ZNF521: variants seen among roughly 807,000 people sequenced by gnomAD.
ZNF521 encodes the protein LYST-interacting protein 3.
ZNF521 carries 14 observed loss-of-function variants against 105.5 expected under a neutral mutation model. The observed-to-expected ratio is 0.13, with a 90% CI of 0.09 to 0.21. The LOEUF (loss-of-function observed/expected upper bound fraction) is 0.21. Among genes scored for constraint, ZNF521 ranks in the 10% least tolerant of loss-of-function variants. ZNF521 has a pLI of 1.00. For missense variants in ZNF521, 1,233 were observed against 1,629.7 expected (o/e 0.76, Z 4.19); for synonymous variants, 635 against 606.0 (o/e 1.05, Z -0.70).
intron 5 of ZNF521, among the ~76,000 whole-genome samples, chr18:25,142,625 C>A (rs139077661): frequency 6.6e-6 from 1 of 152,038 alleles, no homozygotes; most frequent in African/African-American, 2.4e-5. Context: ...AGCAATGGAA[C>A]CTTGAGAACC....
intron 5 of ZNF521, among the ~76,000 whole-genome samples, chr18:25,110,872 C>G (rs532088471): frequency 1.6e-4 from 25 of 152,096 alleles, no homozygotes; most frequent in African/African-American, 5.3e-4. Context: ...AAGTGATTCT[C>G]CTACCTCAGC....
rs766059403 is a variant in ZNF521 at position 25,226,190 on chromosome 18, T to C, written c.1728A>G (p.Lys576=). Residue 576 remains lysine (K), a synonymous_variant, in exon 4 of 8, where the codon AAA becomes AAG. Transcript: ENST00000361524. This position sits in a 1 kb window ranked among gnomAD's most constrained non-coding sequence, Gnocchi z 4.1. ...GATTCTCTTTGATATGCTTGTTCAG[T>C]TTAAGAACGCTGTTGAATATTGGCG... ...TNSPIFNSVL[K]LNKHIKENHK... 16 of 1,614,186 alleles carry C rather than the reference T, an allele frequency of 9.9e-6. 1 individual carries two copies. The South Asian group carries it at 1.3e-4, about 13-fold the overall frequency.
At position 25,212,234 on chromosome 18, in the gene ZNF521, G is replaced by A. The variant is rs1280910943; in HGVS notation, c.3573+12111C>T. On this transcript the variant is annotated intron_variant, in intron 4 of 7. Coordinates refer to ENST00000361524, the MANE Select transcript of ZNF521 (RefSeq NM_015461.3). ...ATATATAAAAAATATTTTAATGGCCGGGCATGGTGGCTCACGCCTGTAATC... is the reference window on the plus strand; with the variant it reads ...ATATATAAAAAATATTTTAATGGCCAGGCATGGTGGCTCACGCCTGTAATC... 5.3e-5 allele frequency among the ~76,000 whole-genome samples: 8 copies of A among 151,666 alleles called. No individual in the cohort carries two copies. In the South Asian group the frequency reaches 8.3e-4, roughly 16 times the overall value.
intron 4 of ZNF521, chr18:25,201,244 TCTTC>T (rs1481525653): frequency 1.3e-5 from 2 of 152,190 alleles, no homozygotes; most frequent in East Asian, 2.0e-4. Flanking sequence ...CAAAACCGTG[TCTTC>T]CTTCCTACTC....
intron 5 of ZNF521, among the ~76,000 whole-genome samples, chr18:25,120,743 T>C (rs2034424489): frequency 6.6e-6 from 1 of 152,184 alleles, no homozygotes; most frequent in African/African-American, 2.4e-5. Context: ...ATTATTTTCC[T>C]TTTCTTATTC....
chr18:25,335,053 T>G (rs1913791795), intron 2 of ZNF521, among the ~76,000 whole-genome samples: 1 of 152,164 alleles, frequency 6.6e-6, no homozygotes, highest in African/African-American at 2.4e-5. Flanking sequence ...TTGTGTCTAC[T>G]CATTGTGACA....
chr18:25,063,394 C>T (rs35736710), intron 7 of ZNF521, among the ~76,000 whole-genome samples: 13,778 of 152,034 alleles, frequency 0.091, 756 homozygotes, highest in South Asian at 0.15. Context: ...TACAGTAGCC[C>T]GCCAGGTCTC....
intron 5 of ZNF521, among the ~76,000 whole-genome samples, chr18:25,102,230 GC>G (rs770619640): frequency 6.6e-6 from 1 of 152,044 alleles, no homozygotes; most frequent in Non-Finnish European, 1.5e-5. Flanking sequence ...GAATTGGCTG[GC>G]TACTATTTGG....
intron 4 of ZNF521, among the ~76,000 whole-genome samples, chr18:25,205,885 C>A (rs1453820141): frequency 2.0e-5 from 3 of 152,078 alleles, no homozygotes; most frequent in African/African-American, 4.8e-5. Context: ...TTAAAAAATT[C>A]TCTTATAATT....
chr18:25,336,136 C>T (rs967051163), intron 2 of ZNF521, among the ~76,000 whole-genome samples: 12 of 152,128 alleles, frequency 7.9e-5, no homozygotes, highest in Non-Finnish European at 8.8e-5. Context: ...GGGAGTTAAC[C>T]GCCAGTCAGC....
chr18:25,280,001 T>C (rs1426283476), intron 3 of ZNF521, among the ~76,000 whole-genome samples: 1 of 152,200 alleles, frequency 6.6e-6, no homozygotes, highest in Non-Finnish European at 1.5e-5. Context: ...GGATATGATA[T>C]CACATTAGGT....
At chr18:25,155,783 G>A (rs2035132344) in intron 5 of ZNF521, among the ~76,000 whole-genome samples, 1 of 152,094 alleles carries the variant, frequency 6.6e-6, no homozygotes, top group East Asian at 1.9e-4. Context: ...ATATGCAATA[G>A]AATATTATTC....
At chr18:25,087,973 C>G (rs796472329) in intron 7 of ZNF521, among the ~76,000 whole-genome samples, 10 of 152,248 alleles carry the variant, frequency 6.6e-5, no homozygotes, top group African/African-American at 1.9e-4. Flanking sequence ...ACATAACTCA[C>G]ATAAATCTCG....
chr18:25,096,532 T>C (rs1001966958), intron 5 of ZNF521, among the ~76,000 whole-genome samples: 1 of 152,186 alleles, frequency 6.6e-6, no homozygotes, highest in African/African-American at 2.4e-5. Context: ...AGAAACCCTT[T>C]AAGCAGCCTC....
Position 25,180,934 on chromosome 18 carries a change from A to G in ZNF521, c.3658+14226T>C, listed in dbSNP as rs141700751. On this transcript the variant is annotated intron_variant, in intron 5 of 7. Coordinates refer to ENST00000361524, the MANE Select transcript of ZNF521 (RefSeq NM_015461.3). The stretch of plus-strand genomic sequence containing the variant: ...TATCTGCCCTGAATTCGTGGTACTC[A>G]TTCTATCAGTATTCCTTCATGTAAG... Among the ~76,000 whole-genome samples the G allele has an allele frequency of 1.8e-3, 272 of 152,312 alleles. 1 individual carries two copies. The highest frequency in any genetic ancestry group is 3.3e-3 in the Non-Finnish European group (227 of 68,008).
intron 5 of ZNF521, among the ~76,000 whole-genome samples, chr18:25,104,177 T>C (rs567501534): frequency 1.3e-5 from 2 of 152,178 alleles, no homozygotes; most frequent in African/African-American, 2.4e-5. Context: ...CCTATCTTTA[T>C]GACAATTTTT....
At chr18:25,286,434 A>G (rs1021710635) in intron 3 of ZNF521, among the ~76,000 whole-genome samples, 4 of 152,220 alleles carry the variant, frequency 2.6e-5, no homozygotes, top group African/African-American at 9.6e-5. Flanking sequence ...AGATTTGCAC[A>G]TCAGCCATCA....
intron 5 of ZNF521, among the ~76,000 whole-genome samples, chr18:25,162,352 G>A (rs992644179): frequency 6.6e-6 from 1 of 152,050 alleles, no homozygotes; most frequent in Non-Finnish European, 1.5e-5. Flanking sequence ...AATAATTGAA[G>A]GACATAAAAG....
At chr18:25,219,387 T>C (rs1380872134) in intron 4 of ZNF521, among the ~76,000 whole-genome samples, 6 of 151,968 alleles carry the variant, frequency 3.9e-5, no homozygotes, top group Admixed American at 3.9e-4. Flanking sequence ...ATAGAAAACA[T>C]AAGAAAAAAT....
Sources: gnomAD v4.1 joint callset for allele counts (sites outside exome capture counted in the v4.1 genomes callset) on GRCh38, gnomAD v4.1.1 for gene constraint, Gnocchi (gnomAD v3.1) non-coding constraint, MANE v1.5 for transcripts, NCBI Gene and HGNC (gene_info 2026-07-23, HGNC 2026-07-21) for gene names.